Variants in TRIM69 observed in about 807,000 individuals in gnomAD.
The protein encoded by TRIM69 is E3 ubiquitin-protein ligase TRIM69.
In TRIM69, 29 loss-of-function variants were observed where a neutral mutation model predicts 37.7. The ratio of observed to expected loss-of-function variants is 0.77; its 90% CI spans 0.57 to 1.05. TRIM69 has a LOEUF of 1.05. Ranked by LOEUF, TRIM69 falls within the 50% of genes least tolerant of loss-of-function variation. TRIM69 has a pLI of 0.00. For synonymous variants in TRIM69, 209 were observed against 212.4 expected, an observed-to-expected ratio of 0.98 and a Z score of 0.14; for missense variants, 596 against 579.9, an observed-to-expected ratio of 1.03 and a Z score of -0.28.
At chr15:44,747,364 C>G (rs2141317428) in intron 1 of TRIM69, among the ~76,000 whole-genome samples, 1 of 152,102 alleles carries the variant, frequency 6.6e-6, no homozygotes, top group South Asian at 2.1e-4. Context: ...CAAATATAAC[C>G]CTGCCTCCAT....
chr15:44,765,659 CAGG>C (rs72070196), intron 6 of TRIM69, among the ~76,000 whole-genome samples: 141,741 of 151,920 alleles, frequency 0.93, 66,267 homozygotes, highest in Middle Eastern at 0.96. Context: ...GAGGCTGAAG[CAGG>C]AGAATTGCTT....
At chr15:44,751,264 C>T (rs182876987) in intron 1 of TRIM69, among the ~76,000 whole-genome samples, 15 of 151,848 alleles carry the variant, frequency 9.9e-5, no homozygotes, top group Middle Eastern at 3.4e-3. Context: ...TACAGGTGCT[C>T]GCTACCACGC....
At chr15:44,739,729 G>A (rs1336378243) in intron 1 of TRIM69, among the ~76,000 whole-genome samples, 1 of 151,910 alleles carries the variant, frequency 6.6e-6, no homozygotes, top group Non-Finnish European at 1.5e-5. Context: ...CAGCCGGGAA[G>A]CTCGAACTGG....
chr15:44,748,590 C>T (rs2087455352), intron 1 of TRIM69, among the ~76,000 whole-genome samples: 1 of 151,800 alleles, frequency 6.6e-6, no homozygotes, highest in African/African-American at 2.4e-5. Context: ...TTTGGGAGGC[C>T]AAGGTGGGTG....
rs869059418 is a variant in TRIM69 at position 44,750,715 on chromosome 15, C to CTT, written c.7-4159_7-4158dup. 2.6e-4 allele frequency among the ~76,000 whole-genome samples: 27 copies of CTT among 102,842 alleles called. 2 individuals carry two copies. The highest frequency in any genetic ancestry group is 6.1e-4 in the East Asian group (2 of 3,280). 67.5% of individuals were successfully genotyped at this position (102,842 alleles called of 152,430 possible). A position where few individuals can be genotyped will look rare whatever the true frequency, so the allele number is the denominator to read the frequency against. On this transcript the variant is annotated intron_variant, in intron 1 of 6. Transcript: ENST00000329464. ...TCGCATTTTTATTTCATTACTTTTT[C>CTT]TTTTTTTTTTTTTTTTTTTTTTTTT...
intron 2 of TRIM69, among the ~76,000 whole-genome samples, chr15:44,756,128 G>C (rs1231205915): frequency 6.6e-6 from 1 of 152,098 alleles, no homozygotes; most frequent in Non-Finnish European, 1.5e-5. Flanking sequence ...CTGGGCCCAA[G>C]TGATCCTCCC....
intron 4 of TRIM69, 150 bp from the exon 5 acceptor site, chr15:44,759,490 A>G: frequency 1.3e-6 from 1 of 747,864 alleles, no homozygotes; most frequent in South Asian, 1.8e-5. Context: ...TCAGGGATGA[A>G]GATTAGAAAA....
At chr15:44,751,031 C>G (rs1391977331) in intron 1 of TRIM69, among the ~76,000 whole-genome samples, 1 of 136,672 alleles carries the variant, frequency 7.3e-6, no homozygotes. Context: ...TCATGGCCCA[C>G]TGCAGCCTGG....
intron 4 of TRIM69, among the ~76,000 whole-genome samples, chr15:44,759,103 G>A (rs754042933): frequency 1.3e-5 from 2 of 152,172 alleles, no homozygotes; most frequent in South Asian, 2.1e-4. Context: ...ATAGTATATA[G>A]TAATGGTTTA....
At chr15:44,740,907 C>T (rs560945195) in intron 1 of TRIM69, among the ~76,000 whole-genome samples, 14 of 152,288 alleles carry the variant, frequency 9.2e-5, no homozygotes, top group East Asian at 3.9e-4. Flanking sequence ...GGCAGATCAA[C>T]GAGACAGAAA....
At chr15:44,759,485 G>A (rs867688773) in intron 4 of TRIM69, among the ~76,000 whole-genome samples, 155 bp from the exon 5 acceptor site, 2 of 152,232 alleles carry the variant, frequency 1.3e-5, no homozygotes, top group South Asian at 4.1e-4. Flanking sequence ...TAGGATCAGG[G>A]ATGAAGATTA....
chr15:44,754,725 A>T, intron 1 of TRIM69, 175 bp from the exon 2 acceptor site: 2 of 625,544 alleles, frequency 3.2e-6, no homozygotes, highest in East Asian at 5.2e-5. Context: ...AAATAGCATC[A>T]TACGCTATAA....
chr15:44,750,723 T>TC (rs1566893156), intron 1 of TRIM69, among the ~76,000 whole-genome samples: 3 of 113,248 alleles, frequency 2.6e-5, no homozygotes, highest in Non-Finnish European at 3.6e-5. Context: ...TTCTTTTTTT[T>TC]TTTTTTTTTT....
chr15:44,740,073 G>A (rs1430076727), intron 1 of TRIM69, among the ~76,000 whole-genome samples: 2 of 152,208 alleles, frequency 1.3e-5, no homozygotes, highest in African/African-American at 4.8e-5. Context: ...CGCGGTTCAC[G>A]AAAATCCACT....
Position 44,759,789 on chromosome 15 carries a change from T to C in TRIM69, c.878T>C (p.Ile293Thr), listed in dbSNP as rs1390214558. The change falls in exon 6 of 7, where the codon ATT becomes ACT. Residue 293 changes from isoleucine (I) to threonine (T), a missense_variant. Coordinates refer to ENST00000329464, the MANE Select transcript of TRIM69 (RefSeq NM_182985.5). ...GMKVLATREL[I>T]SRKLNLGQYK... is the part of the protein sequence containing the mutation. ...AAGGTGCTGGCAACCAGAGAGCTTA[T>C]TTCCAGAAAGCTGAACCTGGGCCAG... 2 of 1,614,200 alleles carry C rather than the reference T, an allele frequency of 1.2e-6. No individual in the cohort carries two copies. The highest frequency in any genetic ancestry group is 2.2e-5 in the South Asian group (2 of 91,086).
chr15:44,764,703 C>T (rs986525007), intron 6 of TRIM69, among the ~76,000 whole-genome samples: 11 of 152,282 alleles, frequency 7.2e-5, no homozygotes, highest in African/African-American at 2.6e-4. Context: ...TTGTAGTTTG[C>T]CTACTCTAGC....
Position 44,759,810 on chromosome 15 carries a change from G to T in TRIM69, c.899G>T (p.Gly300Val). 6.2e-7 allele frequency: 1 copy of T among 1,614,166 alleles called. No homozygotes were observed. Among genetic ancestry groups the T allele is most frequent in the Non-Finnish European group, 8.5e-7 (1 of 1,180,026 alleles). The change falls in exon 6 of 7, where the codon GGC (glycine) becomes GTC (valine). Residue 300 changes from glycine (G) to valine (V), a missense_variant. Coordinates refer to ENST00000329464, the MANE Select transcript of TRIM69 (RefSeq NM_182985.5). ...CTTATTTCCAGAAAGCTGAACCTGG[G>T]CCAGTACAAAGGTCCTATCCAGTAC... ...RELISRKLNL[G>V]QYKGPIQYMV...
At chr15:44,752,821 G>C (rs1222917237) in intron 1 of TRIM69, 1 of 151,844 alleles carries the variant, frequency 6.6e-6, no homozygotes, top group Admixed American at 6.6e-5. Context: ...GTTATAATTA[G>C]TCAACTTTAT....
At chr15:44,761,699 A>G (rs2087779531) in intron 6 of TRIM69, among the ~76,000 whole-genome samples, 1 of 152,164 alleles carries the variant, frequency 6.6e-6, no homozygotes, top group Non-Finnish European at 1.5e-5. Flanking sequence ...TCCTGGCCTT[A>G]AGTGATCCAT....
Sources: allele counts gnomAD v4.1 joint callset (sites outside exome capture counted in the v4.1 genomes callset), GRCh38; gene constraint gnomAD v4.1.1; transcripts MANE v1.5; gene names NCBI Gene and HGNC (gene_info 2026-07-23, HGNC 2026-07-21).